The following GLRA1 variants were observed in gnomAD, a reference collection of about 807,000 sequenced individuals.
The protein encoded by GLRA1 is glycine receptor alpha 1, also known as glycine receptor subunit alpha-1.
In GLRA1, 37 loss-of-function variants were observed where a neutral mutation model predicts 48.3. The ratio of observed to expected loss-of-function variants is 0.77; its 90% CI spans 0.59 to 1.01. GLRA1 has a LOEUF of 1.01. GLRA1 is among the 50% of genes least tolerant of loss of function. The pLI is 0.00. For missense variants in GLRA1, 427 were observed against 571.0 expected (o/e 0.75, Z 2.57); for synonymous variants, 196 against 210.7 (o/e 0.93, Z 0.60).
At chr5:151,911,600 G>GTTTT (rs768033241) in intron 1 of GLRA1, among the ~76,000 whole-genome samples, 84 of 92,364 alleles carry the variant, frequency 9.1e-4, no homozygotes, top group African/African-American at 1.3e-3. Flanking sequence ...CCAAGCTAGA[G>GTTTT]TTTTTTTTTT....
chr5:151,856,199 C>A, intron 5 of GLRA1, 102 bp downstream of exon 5: 1 of 774,254 alleles, frequency 1.3e-6, no homozygotes, highest in Admixed American at 1.9e-5. Context: ...ACAGTAATCT[C>A]CTGGGGTCTA....
At chr5:151,826,201 C>T (rs1295437390) in intron 8 of GLRA1, among the ~76,000 whole-genome samples, 1 of 152,168 alleles carries the variant, frequency 6.6e-6, no homozygotes, top group Non-Finnish European at 1.5e-5. Flanking sequence ...TTATGGGAAG[C>T]ACATTCAGTG....
In GLRA1 at chr5:151,890,781, G is replaced by A. The variant is rs1207708181; in HGVS notation, c.184+1530C>T. On this transcript the variant is annotated intron_variant, in intron 2 of 8. Coordinates refer to ENST00000274576, the MANE Select transcript of GLRA1 (RefSeq NM_000171.4). Reference sequence around the variant, plus strand: ...CTAGGTATTAGAGGTTGTGACCCTGGTGAAGGCTTGAGCTGAGTGTGCTGG... The same window carrying A: ...CTAGGTATTAGAGGTTGTGACCCTGATGAAGGCTTGAGCTGAGTGTGCTGG... Among the ~76,000 whole-genome samples, 3 of 152,174 alleles carry A rather than the reference G, an allele frequency of 2.0e-5. No homozygotes were observed. The East Asian group carries it at 5.8e-4, about 29-fold the overall frequency.
rs565947548 is a variant in GLRA1 at position 151,832,194 on chromosome 5, A to G, written c.913-3127T>C. On this transcript the variant is annotated intron_variant, in intron 7 of 8. Transcript: ENST00000274576. ...TAGATAAATCCATGAAGAAGAGGAA[A>G]AGCCAGCACAAAAAGGCTGAAAATT... Among the ~76,000 whole-genome samples, 122 of 152,342 alleles carry G rather than the reference A, an allele frequency of 8.0e-4. 1 individual carries two copies. The highest frequency in any genetic ancestry group is 2.8e-3 in the African/African-American group (116 of 41,568).
intron 3 of GLRA1, among the ~76,000 whole-genome samples, chr5:151,886,481 T>C (rs926383512): frequency 2.0e-5 from 3 of 152,250 alleles, no homozygotes; most frequent in Non-Finnish European, 2.9e-5. Context: ...GTTTTTGTAA[T>C]CCTGGGTGTT....
intron 3 of GLRA1, among the ~76,000 whole-genome samples, chr5:151,867,803 C>A (rs1402725123): frequency 6.6e-6 from 1 of 152,156 alleles, no homozygotes; most frequent in Non-Finnish European, 1.5e-5. Context: ...GATAAGGCTG[C>A]AAAATGAATT....
intron 7 of GLRA1, among the ~76,000 whole-genome samples, chr5:151,831,592 GTC>G (rs1763426969): frequency 6.6e-6 from 1 of 152,212 alleles, no homozygotes. Flanking sequence ...GCCAGGCTGT[GTC>G]TCTAGATTCC....
intron 4 of GLRA1, among the ~76,000 whole-genome samples, chr5:151,858,465 G>A (rs1198041919): frequency 6.6e-6 from 1 of 152,190 alleles, no homozygotes; most frequent in Non-Finnish European, 1.5e-5. Flanking sequence ...AAATTAGTCT[G>A]GCAGCAGCAA....
At chr5:151,859,527 A>G (rs1753138817) in intron 4 of GLRA1, among the ~76,000 whole-genome samples, 1 of 151,822 alleles carries the variant, frequency 6.6e-6, no homozygotes, top group African/African-American at 2.4e-5. Context: ...AGTAACTTCA[A>G]CCCCACTTTC....
At chr5:151,915,716 C>CATATAT (rs34164681) in intron 1 of GLRA1, among the ~76,000 whole-genome samples, 291 of 146,206 alleles carry the variant, frequency 2.0e-3, no homozygotes, top group African/African-American at 5.0e-3. Context: ...ATATGTAATA[C>CATATAT]ATATATATAT....
At chr5:151,909,070 GT>G (rs1315688388) in intron 1 of GLRA1, among the ~76,000 whole-genome samples, 1 of 152,130 alleles carries the variant, frequency 6.6e-6, no homozygotes. Context: ...TACATATCAA[GT>G]TTTTTGAAAA....
chr5:151,913,387 A>T (rs945582445), intron 1 of GLRA1, among the ~76,000 whole-genome samples: 14 of 152,184 alleles, frequency 9.2e-5, no homozygotes, highest in Admixed American at 8.5e-4. Flanking sequence ...GCACAACATG[A>T]GTTACAATAC....
intron 8 of GLRA1, among the ~76,000 whole-genome samples, chr5:151,825,442 G>T (rs1763249659): frequency 6.6e-6 from 1 of 152,160 alleles, no homozygotes; most frequent in African/African-American, 2.4e-5. Context: ...TAGAGGTTTG[G>T]ATTGAAGGCC....
intron 7 of GLRA1, among the ~76,000 whole-genome samples, chr5:151,843,205 T>C (rs1317699806): frequency 6.6e-6 from 1 of 152,060 alleles, no homozygotes; most frequent in East Asian, 1.9e-4. Context: ...GCATTCTTTA[T>C]TAAAACTCCA....
At chr5:151,869,330 C>T (rs1753416954) in intron 3 of GLRA1, among the ~76,000 whole-genome samples, 1 of 151,584 alleles carries the variant, frequency 6.6e-6, no homozygotes, top group Admixed American at 6.6e-5. Context: ...TCTCAAACTC[C>T]TGGCCTCAAG....
At chr5:151,876,798 A>T (rs1383591789) in intron 3 of GLRA1, among the ~76,000 whole-genome samples, 1 of 152,182 alleles carries the variant, frequency 6.6e-6, no homozygotes, top group Non-Finnish European at 1.5e-5. Flanking sequence ...TATATGTTGA[A>T]GCCCTAACCC....
intron 7 of GLRA1, among the ~76,000 whole-genome samples, chr5:151,844,509 C>G (rs1752612019): frequency 1.3e-5 from 2 of 150,758 alleles, no homozygotes; most frequent in Non-Finnish European, 3.0e-5. Flanking sequence ...GTAATTTCAG[C>G]TACTCGGGAG....
chr5:151,858,731 C>T (rs550045204), intron 4 of GLRA1, among the ~76,000 whole-genome samples: 1 of 151,728 alleles, frequency 6.6e-6, no homozygotes, highest in Non-Finnish European at 1.5e-5. Context: ...ATCTGTACAG[C>T]CTCTCCCACA....
chr5:151,835,168 A>C (rs1763540955), intron 7 of GLRA1, among the ~76,000 whole-genome samples: 1 of 152,134 alleles, frequency 6.6e-6, no homozygotes, highest in Non-Finnish European at 1.5e-5. Flanking sequence ...AAACTAGAAA[A>C]TCTAGGAGAA....
Sources: gnomAD v4.1 joint callset for allele counts (sites outside exome capture counted in the v4.1 genomes callset) on GRCh38, gnomAD v4.1.1 for gene constraint, MANE v1.5 for transcripts, NCBI Gene and HGNC (gene_info 2026-07-23, HGNC 2026-07-21) for gene names.